RNGTT: variants seen among roughly 807,000 people sequenced by gnomAD.
The protein encoded by RNGTT is mRNA-capping enzyme.
In RNGTT, 33 loss-of-function variants were observed where a neutral mutation model predicts 79.3. That is an observed-to-expected ratio of 0.42 (90% CI 0.32 to 0.56). The LOEUF (loss-of-function observed/expected upper bound fraction) is 0.56. RNGTT is among the 20% of genes least tolerant of loss of function. RNGTT has a pLI of 0.17. For synonymous variants in RNGTT, 222 were observed against 235.9 expected, an observed-to-expected ratio of 0.94 and a Z score of 0.54; for missense variants, 497 against 739.1, an observed-to-expected ratio of 0.67 and a Z score of 3.80.
chr6:88,856,005 G>T (rs2127909744), intron 8 of RNGTT, among the ~76,000 whole-genome samples: 1 of 152,300 alleles, frequency 6.6e-6, no homozygotes, highest in South Asian at 2.1e-4. Context: ...AAGGACTTAG[G>T]CTGGCATTTT....
At chr6:88,623,879 AT>A (rs1772529333) in intron 14 of RNGTT, among the ~76,000 whole-genome samples, 1 of 152,098 alleles carries the variant, frequency 6.6e-6, no homozygotes, top group African/African-American at 2.4e-5. Flanking sequence ...GAATCCAAAG[AT>A]GTTAAATACA....
intron 13 of RNGTT, among the ~76,000 whole-genome samples, chr6:88,750,238 G>T (rs1158664465): frequency 3.9e-5 from 6 of 152,128 alleles, no homozygotes; most frequent in Non-Finnish European, 1.5e-5. Context: ...TGAAAAAGAA[G>T]GGGGTTGGGG....
chr6:88,752,234 T>C (rs1777864462), intron 13 of RNGTT, among the ~76,000 whole-genome samples: 1 of 152,022 alleles, frequency 6.6e-6, no homozygotes, highest in African/African-American at 2.4e-5. Flanking sequence ...AAACAGACTG[T>C]GCAAGTTAAA....
chr6:88,890,452 G>A (rs772829866), intron 8 of RNGTT, 43 bp downstream of exon 8: 54 of 1,197,038 alleles, frequency 4.5e-5, no homozygotes, highest in Middle Eastern at 3.8e-4. Flanking sequence ...TATTCTTCAA[G>A]CATTAGGGTT....
intron 8 of RNGTT, among the ~76,000 whole-genome samples, chr6:88,862,493 C>T (rs190421887): frequency 2.0e-5 from 3 of 152,312 alleles, no homozygotes; most frequent in Admixed American, 2.0e-4. Context: ...TGCATCTCTT[C>T]ATCTGTATTC....
rs536306344 is a variant in RNGTT, at chr6:88,831,104, C to G, written c.1269+13253G>C. ...CTCATTTTATGAGGCCAGCATCATC[C>G]TGATACCAAAAACTGGCAGAGACAC... On this transcript the variant is annotated intron_variant, in intron 11 of 15. Coordinates refer to ENST00000369485, the MANE Select transcript of RNGTT (RefSeq NM_003800.5). Among the ~76,000 whole-genome samples the G allele has an allele frequency of 7.2e-5, 11 of 152,258 alleles. No homozygotes were observed. In the East Asian group the frequency reaches 2.1e-3, roughly 29 times the overall value.
intron 4 of RNGTT, among the ~76,000 whole-genome samples, chr6:88,917,194 G>A (rs1458514169): frequency 6.6e-6 from 1 of 152,146 alleles, no homozygotes; most frequent in Admixed American, 6.6e-5. Context: ...CACAAAACAT[G>A]CTACTTTTAA....
chr6:88,812,541 G>A (rs999703197), intron 11 of RNGTT, among the ~76,000 whole-genome samples: 2 of 152,216 alleles, frequency 1.3e-5, no homozygotes, highest in African/African-American at 4.8e-5. Context: ...AAGTGTTTGA[G>A]ATGTAAAAGA....
chr6:88,891,111 G>A (rs1783035482), intron 7 of RNGTT, among the ~76,000 whole-genome samples: 1 of 151,834 alleles, frequency 6.6e-6, no homozygotes, highest in Non-Finnish European at 1.5e-5. Flanking sequence ...CAAGATTAAG[G>A]TTTAACACAA....
intron 14 of RNGTT, among the ~76,000 whole-genome samples, chr6:88,659,646 G>C (rs1774109318): frequency 6.6e-6 from 1 of 151,906 alleles, no homozygotes; most frequent in South Asian, 2.1e-4. Context: ...CAAGAAATTT[G>C]GGATTATGTT....
chr6:88,929,603 C>T (rs755330894), intron 2 of RNGTT, among the ~76,000 whole-genome samples: 4 of 152,038 alleles, frequency 2.6e-5, no homozygotes, highest in Non-Finnish European at 4.4e-5. Context: ...TACCTCTGCA[C>T]CTGTGATTTA....
chr6:88,640,358 T>G (rs980866194), intron 14 of RNGTT, among the ~76,000 whole-genome samples: 4 of 135,592 alleles, frequency 3.0e-5, no homozygotes, highest in Admixed American at 8.0e-5. Flanking sequence ...GAGACCAACA[T>G]AGGCAGCATA....
intron 13 of RNGTT, among the ~76,000 whole-genome samples, chr6:88,766,461 A>G (rs1318673469): frequency 2.0e-5 from 3 of 152,134 alleles, no homozygotes; most frequent in South Asian, 2.1e-4. Context: ...ATGAAAATCT[A>G]TATTGTGTAT....
intron 14 of RNGTT, among the ~76,000 whole-genome samples, chr6:88,641,847 C>T (rs897361291): frequency 6.6e-6 from 1 of 152,188 alleles, no homozygotes; most frequent in East Asian, 1.9e-4. Context: ...GCTGTATTCA[C>T]ACATACACAG....
intron 14 of RNGTT, among the ~76,000 whole-genome samples, chr6:88,646,990 G>A (rs1773588765): frequency 6.6e-6 from 1 of 152,088 alleles, no homozygotes; most frequent in Non-Finnish European, 1.5e-5. Context: ...CCTGCACGTT[G>A]TGCACATGTA....
intron 14 of RNGTT, among the ~76,000 whole-genome samples, chr6:88,646,317 G>A (rs1243112837): frequency 1.3e-5 from 2 of 152,174 alleles, no homozygotes; most frequent in African/African-American, 4.8e-5. Context: ...CAGTTAGAAT[G>A]GCGATCATTA....
chr6:88,818,917 TA>T (rs935531038), intron 11 of RNGTT, among the ~76,000 whole-genome samples: 1 of 152,178 alleles, frequency 6.6e-6, no homozygotes, highest in Admixed American at 6.5e-5. Flanking sequence ...TATGTCATAA[TA>T]AATAAAAAGA....
chr6:88,666,295 C>T (rs933865612), intron 14 of RNGTT, among the ~76,000 whole-genome samples: 5 of 152,190 alleles, frequency 3.3e-5, no homozygotes, highest in South Asian at 2.1e-4. Context: ...TAACCCAAGA[C>T]GTAAGGCCGT....
intron 13 of RNGTT, among the ~76,000 whole-genome samples, chr6:88,681,069 A>C (rs1367591055): frequency 6.6e-6 from 1 of 152,234 alleles, no homozygotes; most frequent in Non-Finnish European, 1.5e-5. Context: ...TGTTAGTTAT[A>C]TATAGCAGTA....
Sources: gnomAD v4.1 joint callset for allele counts (sites outside exome capture counted in the v4.1 genomes callset) on GRCh38, gnomAD v4.1.1 for gene constraint, MANE v1.5 for transcripts, NCBI Gene and HGNC (gene_info 2026-07-23, HGNC 2026-07-21) for gene names.